KIRREL1: variants seen among roughly 807,000 people sequenced by gnomAD.
KIRREL1 encodes kin of IRRE-like protein 1.
In KIRREL1, 25 loss-of-function variants were observed where a neutral mutation model predicts 83.3. The observed-to-expected ratio is 0.30, with a 90% confidence interval of 0.22 to 0.42. The LOEUF (loss-of-function observed/expected upper bound fraction) is 0.42. Among genes scored for constraint, KIRREL1 ranks in the 10% least tolerant of loss-of-function variants. The pLI is 1.00. For missense variants in KIRREL1, 812 were observed against 1,032.3 expected (o/e 0.79, Z 2.92); for synonymous variants, 388 against 410.4 (o/e 0.95, Z 0.66).
At chr1:158,020,340 A>AC (rs1007708859) in intron 1 of KIRREL1, among the ~76,000 whole-genome samples, 6 of 151,716 alleles carry the variant, frequency 4.0e-5, no homozygotes, top group Non-Finnish European at 7.4e-5. Context: ...TTCAAGATGC[A>AC]CCCCCCATGC....
In KIRREL1 at chr1:158,095,028, G is replaced by A. The variant is rs1274451065; in HGVS notation, c.2182G>A (p.Gly728Ser). The A allele has an allele frequency of 6.2e-7, 1 of 1,613,886 alleles. No individual in the cohort carries two copies. Among genetic ancestry groups the A allele is most frequent in the Non-Finnish European group, 8.5e-7 (1 of 1,179,890 alleles). Residue 728 changes from glycine (G) to serine (S), a missense_variant, in exon 15 of 15, where the codon GGC (glycine) becomes AGC (serine). Transcript: ENST00000359209. ...RTPYEAYDPI[G>S]KYATATRFSY... ...CCCATATGAGGCGTATGACCCCATT[G>A]GCAAGTACGCCACAGCCACTCGATT...
At chr1:158,013,183 G>A (rs889099051) in intron 1 of KIRREL1, among the ~76,000 whole-genome samples, 3 of 152,174 alleles carry the variant, frequency 2.0e-5, no homozygotes, top group African/African-American at 7.2e-5. Flanking sequence ...AATTTAGAGA[G>A]AGAGGTTTAT....
intron 3 of KIRREL1, among the ~76,000 whole-genome samples, chr1:158,080,162 C>T (rs1661808949): frequency 6.6e-6 from 1 of 152,144 alleles, no homozygotes; most frequent in Non-Finnish European, 1.5e-5. Context: ...AGGAAACCTT[C>T]TTCTTTCTTT....
At chr1:157,995,703 C>G (rs1244072716) in intron 1 of KIRREL1, among the ~76,000 whole-genome samples, 1 of 152,176 alleles carries the variant, frequency 6.6e-6, no homozygotes, top group Non-Finnish European at 1.5e-5. Flanking sequence ...GTGCCTTTCT[C>G]TCTTTGGAAA....
At chr1:158,005,582 C>G (rs1354128218) in intron 1 of KIRREL1, among the ~76,000 whole-genome samples, 1 of 151,570 alleles carries the variant, frequency 6.6e-6, no homozygotes, top group African/African-American at 2.4e-5. Flanking sequence ...CATAATTCAT[C>G]TCTCAATGGG....
At chr1:158,039,649 G>T (rs548290883) in intron 1 of KIRREL1, among the ~76,000 whole-genome samples, 28 of 152,342 alleles carry the variant, frequency 1.8e-4, no homozygotes, top group Non-Finnish European at 3.8e-4. Flanking sequence ...CTACTGTCCT[G>T]CAGGGACCTC....
At chr1:158,019,157 A>G (rs747553252) in intron 1 of KIRREL1, among the ~76,000 whole-genome samples, 5 of 152,200 alleles carry the variant, frequency 3.3e-5, no homozygotes, top group Non-Finnish European at 7.3e-5. Context: ...CACAAATCGA[A>G]TAAGTCAGTG....
At chr1:158,012,005 T>TC (rs1323748884) in intron 1 of KIRREL1, among the ~76,000 whole-genome samples, 3 of 152,022 alleles carry the variant, frequency 2.0e-5, no homozygotes, top group African/African-American at 7.2e-5. Flanking sequence ...TCTCCCACTT[T>TC]CCCCCTCCCA....
intron 1 of KIRREL1, among the ~76,000 whole-genome samples, chr1:158,054,162 G>C (rs1660980515): frequency 7.4e-6 from 1 of 135,612 alleles, no homozygotes; most frequent in South Asian, 2.4e-4. Context: ...GCAGTGAGCT[G>C]AGATCGTGTC....
intron 1 of KIRREL1, among the ~76,000 whole-genome samples, chr1:158,067,092 A>T (rs2101613067): frequency 6.6e-6 from 1 of 152,244 alleles, no homozygotes; most frequent in East Asian, 1.9e-4. Flanking sequence ...CCTGAGCTGG[A>T]GGTTCAAATG....
At position 158,089,594 on chromosome 1, in the gene KIRREL1, A is replaced by C; in HGVS notation, c.1137A>C (p.Gly379=). The C allele has an allele frequency of 1.9e-6, 3 of 1,613,738 alleles. No homozygotes were observed. The highest frequency in any genetic ancestry group is 2.5e-6 in the Non-Finnish European group (3 of 1,179,830). Residue 379 remains glycine (G), a synonymous_variant, in exon 9 of 15, where the codon GGA becomes GGC. Coordinates refer to ENST00000359209, the MANE Select transcript of KIRREL1 (RefSeq NM_018240.7). ...YTCRAIVPRI[G]VAEREVPLYV... is the part of the protein sequence containing the mutation. Reference sequence around the variant, plus strand: ...GCCGGGCCATCGTGCCTCGAATCGGAGTGGCTGAGCGGGAGGTGCCGCTCT... The same window carrying C: ...GCCGGGCCATCGTGCCTCGAATCGGCGTGGCTGAGCGGGAGGTGCCGCTCT...
At chr1:158,023,593 C>A (rs1660065291) in intron 1 of KIRREL1, among the ~76,000 whole-genome samples, 1 of 152,130 alleles carries the variant, frequency 6.6e-6, no homozygotes, top group Non-Finnish European at 1.5e-5. Flanking sequence ...AGCTGGGTAC[C>A]ATGGAAAGAG....
At chr1:158,029,366 T>C (rs543514389) in intron 1 of KIRREL1, among the ~76,000 whole-genome samples, 145 of 149,026 alleles carry the variant, frequency 9.7e-4, no homozygotes, top group African/African-American at 3.1e-3. Flanking sequence ...TGTGTGTGTG[T>C]GCACGTGCGC....
At chr1:158,080,189 C>A (rs1570987138) in intron 3 of KIRREL1, among the ~76,000 whole-genome samples, 1 of 152,130 alleles carries the variant, frequency 6.6e-6, no homozygotes, top group Non-Finnish European at 1.5e-5. Context: ...CCCTAACTGC[C>A]TCTATCTTAG....
Position 158,088,082 on chromosome 1 carries a change from A to C in KIRREL1, c.844A>C (p.Thr282Pro). The change falls in exon 7 of 15, where the codon ACG becomes CCG. Residue 282 changes from threonine to proline, a missense_variant. Thr to Pro is a conservative substitution (Grantham distance 38). Around this residue, in one of 3 missense-constraint regions of KIRREL1, gnomAD observed 472 missense variants for 626.8 expected, o/e 0.75. Transcript: ENST00000359209. ...GACAAATGTGGATTATTCCTTTTTC[A>C]CGGAGCCTGTGTCTTGTGAGGTTCA... is the stretch of plus-strand genomic sequence containing the variant. Reference protein sequence around the residue: ...YETNVDYSFFTEPVSCEVHNK... With the variant: ...YETNVDYSFFPEPVSCEVHNK... The C allele has an allele frequency of 6.2e-7, 1 of 1,614,116 alleles. No homozygotes were observed. Among genetic ancestry groups the C allele is most frequent in the Non-Finnish European group, 8.5e-7 (1 of 1,180,020 alleles).
At position 158,055,144 on chromosome 1, in the gene KIRREL1, A is replaced by G. The variant is rs138634729; in HGVS notation, c.53-20969A>G. On this transcript the variant is annotated intron_variant, in intron 1 of 14. Coordinates refer to ENST00000359209, the MANE Select transcript of KIRREL1 (RefSeq NM_018240.7). Reference sequence around the variant, plus strand: ...ACTCTGCTGCCTGCCTTCCCCCTGAATGAATGAGAACAAAGAAGCCTGGGG... The same window carrying G: ...ACTCTGCTGCCTGCCTTCCCCCTGAGTGAATGAGAACAAAGAAGCCTGGGG... Among the ~76,000 whole-genome samples, 843 of 152,176 alleles carry G rather than the reference A, an allele frequency of 5.5e-3. 10 individuals are homozygous for G. Among genetic ancestry groups the G allele is most frequent in the African/African-American group, 0.019 (807 of 41,518 alleles).
intron 2 of KIRREL1, 118 bp downstream of exon 2, chr1:158,076,380 C>T (rs1558012423): frequency 1.1e-6 from 1 of 883,444 alleles, no homozygotes; most frequent in Non-Finnish European, 1.8e-6. Context: ...CTCTGTGCCA[C>T]AGCCTCCCCT....
At chr1:158,027,146 T>C (rs925347609) in intron 1 of KIRREL1, among the ~76,000 whole-genome samples, 1 of 152,216 alleles carries the variant, frequency 6.6e-6, no homozygotes, top group Non-Finnish European at 1.5e-5. Flanking sequence ...TGGCTACAAA[T>C]TGGGGTTCCC....
intron 1 of KIRREL1, among the ~76,000 whole-genome samples, chr1:158,051,503 C>T (rs529880199): frequency 6.6e-6 from 1 of 152,292 alleles, no homozygotes; most frequent in South Asian, 2.1e-4. Flanking sequence ...CTACCAGTAA[C>T]CAGCATGTAG....
Sources: allele counts gnomAD v4.1 joint callset (sites outside exome capture counted in the v4.1 genomes callset), GRCh38; gene constraint gnomAD v4.1.1; regional missense constraint gnomAD v4.1.1; transcripts MANE v1.5; gene names NCBI Gene and HGNC (gene_info 2026-07-23, HGNC 2026-07-21).